TNS1: variants seen among roughly 807,000 people sequenced by gnomAD.
TNS1 encodes tensin 1, also known as tensin-1.
TNS1 carries 62 observed loss-of-function variants against 168.6 expected under a neutral mutation model. The ratio of observed to expected loss-of-function variants is 0.37; its 90% CI spans 0.30 to 0.45. TNS1 has a LOEUF of 0.45. Among genes scored for constraint, TNS1 ranks in the 20% least tolerant of loss-of-function variants. TNS1 has a pLI of 1.00. For synonymous variants in TNS1, 934 were observed against 933.2 expected (o/e 1.00, Z -0.02); for missense variants, 2,240 against 2,339.4 (o/e 0.96, Z 0.88).
At chr2:217,910,338 C>T (rs533891862) in intron 4 of TNS1, among the ~76,000 whole-genome samples, 12 of 152,086 alleles carry the variant, frequency 7.9e-5, no homozygotes, top group Non-Finnish European at 1.8e-4. Flanking sequence ...AAGTCCCCAC[C>T]CCCTGCACCA....
intron 3 of TNS1, among the ~76,000 whole-genome samples, chr2:217,934,484 G>C (rs1956497288): frequency 6.6e-6 from 1 of 152,170 alleles, no homozygotes; most frequent in South Asian, 2.1e-4. Flanking sequence ...ACTCACAACT[G>C]TTACTCACTT....
intron 1 of TNS1, among the ~76,000 whole-genome samples, chr2:217,999,522 G>C (rs1958525107): frequency 6.6e-6 from 1 of 152,192 alleles, no homozygotes; most frequent in Non-Finnish European, 1.5e-5. Flanking sequence ...AAAGGGCAGT[G>C]CTCTTCCCAA....
chr2:218,030,872 T>A (rs530132832), intron 1 of TNS1, among the ~76,000 whole-genome samples: 3 of 152,296 alleles, frequency 2.0e-5, no homozygotes, highest in East Asian at 3.9e-4. Flanking sequence ...AGTGTGTGTG[T>A]GAGACTGTGT....
intron 22 of TNS1, among the ~76,000 whole-genome samples, chr2:217,824,383 G>T (rs1330709024): frequency 2.0e-5 from 3 of 152,202 alleles, no homozygotes; most frequent in Non-Finnish European, 4.4e-5. Flanking sequence ...CCCAGAGCTG[G>T]CTCTATCCAG....
intron 18 of TNS1, among the ~76,000 whole-genome samples, chr2:217,871,184 G>T (rs1250516005): frequency 6.6e-6 from 1 of 152,202 alleles, no homozygotes; most frequent in Non-Finnish European, 1.5e-5. Context: ...CAGTTGGGAA[G>T]TTCTACCAGG....
At chr2:218,018,028 T>A (rs1462235457) in intron 1 of TNS1, among the ~76,000 whole-genome samples, 5 of 152,188 alleles carry the variant, frequency 3.3e-5, no homozygotes, top group Non-Finnish European at 7.4e-5. Flanking sequence ...GTTAGCAGGC[T>A]AGAGGAGAGG....
At chr2:217,926,045 C>T (rs1253731680) in intron 3 of TNS1, among the ~76,000 whole-genome samples, 2 of 152,116 alleles carry the variant, frequency 1.3e-5, no homozygotes, top group Non-Finnish European at 1.5e-5. Context: ...AAATGAGGCC[C>T]TAATCCAATC....
At chr2:218,012,697 G>T (rs933358854), upstream of TNS1, among the ~76,000 whole-genome samples, 1 of 151,998 alleles carries the variant, frequency 6.6e-6, no homozygotes, top group Non-Finnish European at 1.5e-5. Flanking sequence ...GAAGGTCAAT[G>T]CCATACTGCC....
At chr2:217,984,091 C>T (rs73080360) in intron 2 of TNS1, among the ~76,000 whole-genome samples, 2,005 of 152,298 alleles carry the variant, frequency 0.013, 40 homozygotes, top group African/African-American at 0.041. Context: ...GCTCTGGACT[C>T]GAGCTACAAC....
chr2:217,847,454 C>T (rs371948959), intron 19 of TNS1, 56 bp downstream of exon 19: 3 of 1,369,870 alleles, frequency 2.2e-6, no homozygotes, highest in African/African-American at 1.4e-5. Flanking sequence ...TGCACCTCCC[C>T]CCAGCAAGAC....
At chr2:217,877,074 T>C (rs911995805) in intron 18 of TNS1, among the ~76,000 whole-genome samples, 3 of 152,124 alleles carry the variant, frequency 2.0e-5, no homozygotes, top group Admixed American at 6.5e-5. Context: ...CTTCGTCCAG[T>C]CCGAGGGTCC....
chr2:217,996,681 T>C (rs1314299440), intron 1 of TNS1, among the ~76,000 whole-genome samples: 1 of 151,968 alleles, frequency 6.6e-6, no homozygotes, highest in Non-Finnish European at 1.5e-5. Context: ...CTAATCCTAC[T>C]GCCTCTGCCC....
intron 3 of TNS1, among the ~76,000 whole-genome samples, chr2:217,926,559 A>C (rs963894589): frequency 1.3e-5 from 2 of 152,182 alleles, no homozygotes. Flanking sequence ...GGTGCTTTAC[A>C]TACCTTATTT....
rs769210881 is a variant in TNS1, at chr2:217,849,022, A to T, written c.1495T>A (p.Ser499Thr). ...ACAGCCCCGGTGCTGCCGTGCAGGGAGTCTTTCTTCTTCACCTTAGCATAC... is the reference window on the plus strand; with the variant it reads ...ACAGCCCCGGTGCTGCCGTGCAGGGTGTCTTTCTTCTTCACCTTAGCATAC... ...SLYAKVKKKDSLHGSTGAVNA... is the reference protein window; with the variant it reads ...SLYAKVKKKDTLHGSTGAVNA... Residue 499 changes from serine (S) to threonine (T), a missense_variant, in exon 19 of 33, where the codon TCC becomes ACC. This residue lies in a region of TNS1 where 2,131 missense variants were observed against 2,171.2 expected (regional missense o/e 0.98). Coordinates refer to ENST00000682258, the MANE Select transcript of TNS1 (RefSeq NM_001387777.1). The T allele has an allele frequency of 1.2e-6, 2 of 1,613,286 alleles. No homozygotes were observed. Among genetic ancestry groups the T allele is most frequent in the South Asian group, 2.2e-5 (2 of 91,036 alleles).
At chr2:217,922,338 GC>G (rs1195909179) in intron 3 of TNS1, among the ~76,000 whole-genome samples, 1 of 152,014 alleles carries the variant, frequency 6.6e-6, no homozygotes, top group East Asian at 1.9e-4. Context: ...GCCCCAGGGT[GC>G]CTTCTCCCAA....
chr2:217,954,483 T>C (rs1261085530), intron 3 of TNS1, among the ~76,000 whole-genome samples: 1 of 152,178 alleles, frequency 6.6e-6, no homozygotes, highest in African/African-American at 2.4e-5. Flanking sequence ...TTATTCCTCC[T>C]GGTAACTAAG....
Position 218,022,601 on chromosome 2 carries a change from CCA to C in TNS1, c.156+11217_156+11218del, listed in dbSNP as rs200597079. Among the ~76,000 whole-genome samples the C allele has an allele frequency of 3.4e-4, 52 of 151,996 alleles. No homozygotes were observed. In the East Asian group the frequency reaches 9.7e-3, roughly 28 times the overall value. ...CCTGCCTGGCCTTGGGAGCACAAAT[CCA>C]CACAAAGAGCTTCACAAAGGGCCTC... is the stretch of plus-strand genomic sequence containing the variant. On this transcript the variant is annotated intron_variant, in intron 1 of 1. Coordinates refer to the TNS1 transcript ENST00000649572.
At chr2:217,853,701 C>T (rs1253055241) in intron 18 of TNS1, among the ~76,000 whole-genome samples, 1 of 152,168 alleles carries the variant, frequency 6.6e-6, no homozygotes, top group Admixed American at 6.5e-5. Context: ...TTCCAGACTC[C>T]ACCCTCGATG....
chr2:218,022,834 G>A (rs1958817533), intron 1 of TNS1, among the ~76,000 whole-genome samples: 1 of 151,926 alleles, frequency 6.6e-6, no homozygotes, highest in Non-Finnish European at 1.5e-5. Flanking sequence ...TCTGTCAGGG[G>A]TGGGGAGAAA....
Sources: allele counts gnomAD v4.1 joint callset (sites outside exome capture counted in the v4.1 genomes callset), GRCh38; gene constraint gnomAD v4.1.1; regional missense constraint gnomAD v4.1.1; transcripts MANE v1.5; gene names NCBI Gene and HGNC (gene_info 2026-07-23, HGNC 2026-07-21).